SDK1: variants seen among roughly 807,000 people sequenced by gnomAD.
The protein encoded by SDK1 is sidekick cell adhesion molecule 1.
Under a neutral mutation model 245.5 loss-of-function variants are expected in SDK1, and 157 were observed. The observed-to-expected ratio is 0.64, with a 90% CI of 0.56 to 0.73. SDK1 has a LOEUF of 0.73. SDK1 is among the 30% of genes least tolerant of loss of function. The pLI is 0.00. For synonymous variants in SDK1, 1,647 were observed against 1,278.5 expected, an observed-to-expected ratio of 1.29 and a Z score of -6.15; for missense variants, 3,583 against 3,002.3, an observed-to-expected ratio of 1.19 and a Z score of -4.52.
At position 4,217,529 on chromosome 7, in the gene SDK1, A is replaced by AGGC; in HGVS notation, c.5540-2580_5540-2579insGGC. Among the ~76,000 whole-genome samples, 3 of 139,546 alleles carry AGGC rather than the reference A, an allele frequency of 2.1e-5. 1 individual carries two copies. The highest frequency in any genetic ancestry group is 8.2e-5 in the African/African-American group (3 of 36,630). 91.5% of individuals were successfully genotyped at this position (139,546 alleles called of 152,430 possible). A position where few individuals can be genotyped will look rare whatever the true frequency, so the allele number is the denominator to read the frequency against. On this transcript the variant is annotated intron_variant, in intron 38 of 44. Coordinates refer to ENST00000404826, the MANE Select transcript of SDK1 (RefSeq NM_152744.4). ...GGAGCACCACACCACCCGGAGCACC[A>AGGC]CACCACCCGGAGCACCAGGCCACCC... is the stretch of plus-strand genomic sequence containing the variant.
chr7:3,385,099 C>T (rs1781577905), intron 1 of SDK1, among the ~76,000 whole-genome samples: 1 of 152,246 alleles, frequency 6.6e-6, no homozygotes, highest in South Asian at 2.1e-4. Flanking sequence ...AGGGAAAAGA[C>T]CCTGAATTTT....
At chr7:3,830,734 C>T (rs891573512) in intron 5 of SDK1, among the ~76,000 whole-genome samples, 3 of 152,162 alleles carry the variant, frequency 2.0e-5, no homozygotes, top group East Asian at 1.9e-4. Flanking sequence ...CGGGCTCAAA[C>T]AGTCGTCCTG....
chr7:3,507,565 C>G (rs1365956818), intron 1 of SDK1, among the ~76,000 whole-genome samples: 4 of 152,080 alleles, frequency 2.6e-5, no homozygotes, highest in Admixed American at 2.6e-4. Flanking sequence ...CTGACAGTCC[C>G]CTCTGTATTA....
At chr7:4,018,755 G>C (rs778507908) in intron 17 of SDK1, among the ~76,000 whole-genome samples, 2 of 152,176 alleles carry the variant, frequency 1.3e-5, no homozygotes, top group Admixed American at 6.5e-5. Context: ...CTTTTATTCA[G>C]TTGGCAGTGG....
At chr7:3,940,569 G>A (rs1780320465) in intron 5 of SDK1, among the ~76,000 whole-genome samples, 4 of 152,280 alleles carry the variant, frequency 2.6e-5, no homozygotes, top group African/African-American at 7.2e-5. Flanking sequence ...CTGACCGGGT[G>A]TGGTGGCTCA....
chr7:4,121,245 C>T (rs979294343), intron 25 of SDK1, among the ~76,000 whole-genome samples: 1 of 152,104 alleles, frequency 6.6e-6, no homozygotes, highest in Admixed American at 6.5e-5. Flanking sequence ...AGTGGATTTA[C>T]CTTTGTCCTA....
intron 1 of SDK1, among the ~76,000 whole-genome samples, chr7:3,521,627 C>T (rs542310980): frequency 6.6e-6 from 1 of 152,084 alleles, no homozygotes; most frequent in African/African-American, 2.4e-5. Flanking sequence ...GGAGGAAGCA[C>T]GTGAATTTCG....
chr7:4,049,664 A>G (rs978471048), intron 18 of SDK1, among the ~76,000 whole-genome samples: 3 of 152,224 alleles, frequency 2.0e-5, no homozygotes, highest in Admixed American at 6.5e-5. Flanking sequence ...CTAGTTATCA[A>G]GAGGATGGTT....
chr7:4,180,935 C>T (rs1350409373), intron 35 of SDK1, among the ~76,000 whole-genome samples: 1 of 152,180 alleles, frequency 6.6e-6, no homozygotes, highest in Non-Finnish European at 1.5e-5. Flanking sequence ...GGGACACATC[C>T]AGGCCATATA....
intron 14 of SDK1, among the ~76,000 whole-genome samples, chr7:3,988,591 C>T (rs371326251): frequency 3.3e-5 from 5 of 152,084 alleles, no homozygotes; most frequent in East Asian, 3.9e-4. Flanking sequence ...GTCAGCCACA[C>T]GGGACACATG....
intron 39 of SDK1, 53 bp downstream of exon 39, chr7:4,220,323 C>T: frequency 1.9e-6 from 3 of 1,556,408 alleles, no homozygotes; most frequent in East Asian, 2.3e-5. Flanking sequence ...AGCCTCCCGC[C>T]TCCTGCTTCA....
At chr7:4,250,381 T>C (rs1370255128) in intron 44 of SDK1, among the ~76,000 whole-genome samples, 1 of 152,102 alleles carries the variant, frequency 6.6e-6, no homozygotes, top group African/African-American at 2.4e-5. Context: ...TTTTGCTCTG[T>C]CGCTCAGGCT....
chr7:3,978,445 G>C (rs935764712), intron 13 of SDK1, among the ~76,000 whole-genome samples: 5 of 152,060 alleles, frequency 3.3e-5, no homozygotes, highest in Admixed American at 3.3e-4. Context: ...TCTAAATATA[G>C]AAATCTCTGC....
At chr7:3,865,494 C>T (rs2115124534) in intron 5 of SDK1, among the ~76,000 whole-genome samples, 1 of 152,164 alleles carries the variant, frequency 6.6e-6, no homozygotes, top group Non-Finnish European at 1.5e-5. Flanking sequence ...TCTATTTTCC[C>T]TGAGTTCTTT....
At chr7:3,365,474 T>A (rs951685297) in intron 1 of SDK1, among the ~76,000 whole-genome samples, 1 of 152,178 alleles carries the variant, frequency 6.6e-6, no homozygotes, top group African/African-American at 2.4e-5. Context: ...AATTCAAATT[T>A]AGCAGAAAAA....
intron 14 of SDK1, among the ~76,000 whole-genome samples, chr7:3,989,235 G>T (rs1481354276): frequency 1.3e-5 from 2 of 152,180 alleles, no homozygotes; most frequent in African/African-American, 2.4e-5. Context: ...ATGGTGGAAG[G>T]TGAAAGTCAT....
chr7:3,798,945 G>A (rs1424883913), intron 4 of SDK1, among the ~76,000 whole-genome samples: 1 of 152,176 alleles, frequency 6.6e-6, no homozygotes, highest in Non-Finnish European at 1.5e-5. Context: ...TGCAGTAACT[G>A]TTTCTGTGGA....
chr7:3,797,519 A>C (rs910457112), intron 4 of SDK1, among the ~76,000 whole-genome samples: 73 of 152,108 alleles, frequency 4.8e-4, no homozygotes, highest in African/African-American at 1.4e-3. Flanking sequence ...ATGTTTTAAA[A>C]AATTAGATCA....
intron 11 of SDK1, among the ~76,000 whole-genome samples, chr7:3,970,257 A>G (rs373964242): frequency 2.4e-4 from 36 of 152,312 alleles, no homozygotes; most frequent in African/African-American, 7.9e-4. Flanking sequence ...TTCCAGAAAA[A>G]GTAAATCATT....
Sources: gnomAD v4.1 joint callset for allele counts (sites outside exome capture counted in the v4.1 genomes callset) on GRCh38, gnomAD v4.1.1 for gene constraint, MANE v1.5 for transcripts, NCBI Gene and HGNC (gene_info 2026-07-23, HGNC 2026-07-21) for gene names.